Variants in SPRED2 observed in about 807,000 individuals in gnomAD.
SPRED2 encodes sprouty related EVH1 domain containing 2.
Under a neutral mutation model 43.0 loss-of-function variants are expected in SPRED2, and 47 were observed. The observed-to-expected ratio is 1.09, with a 90% CI of 0.87 to 1.40. The LOEUF (loss-of-function observed/expected upper bound fraction) is 1.40, where lower values mean the gene tolerates loss of function less well. SPRED2 is among the 40% of genes most tolerant of loss of function. SPRED2 has a pLI of 0.00. For synonymous variants in SPRED2, 225 were observed against 225.7 expected (o/e 1.00, Z 0.03); for missense variants, 561 against 586.4 (o/e 0.96, Z 0.45).
intron 1 of SPRED2, among the ~76,000 whole-genome samples, chr2:65,366,158 C>T (rs1674967287): frequency 1.3e-5 from 2 of 152,284 alleles, no homozygotes; most frequent in South Asian, 2.1e-4. Context: ...TCCAACGTAA[C>T]ACAATAGTAA....
intron 1 of SPRED2, among the ~76,000 whole-genome samples, chr2:65,370,386 TG>T (rs944731504): frequency 6.6e-6 from 1 of 152,220 alleles, no homozygotes. Context: ...GGGCAAATTA[TG>T]GCCAGCCACA....
chr2:65,390,396 G>C (rs576911028), intron 1 of SPRED2, among the ~76,000 whole-genome samples: 31 of 152,276 alleles, frequency 2.0e-4, no homozygotes, highest in African/African-American at 7.2e-4. Flanking sequence ...AATGACTGTG[G>C]GACTGGAGTG....
chr2:65,324,694 A>G (rs769196288), intron 4 of SPRED2, among the ~76,000 whole-genome samples: 1 of 152,168 alleles, frequency 6.6e-6, no homozygotes, highest in Non-Finnish European at 1.5e-5. Flanking sequence ...CTCTCTGACC[A>G]AGGGAAGCTC....
intron 1 of SPRED2, among the ~76,000 whole-genome samples, chr2:65,426,152 T>C (rs1208427800): frequency 6.6e-6 from 1 of 152,250 alleles, no homozygotes. Context: ...GATTTTTTAC[T>C]TGTCAGTTCT....
chr2:65,313,559 C>G lies in SPRED2; in HGVS notation c.1199G>C (p.Cys400Ser). ...CMCCYLPLRA[C>S]YHCGVMCRCC... The stretch of plus-strand genomic sequence containing the variant: ...CCTGCACATCACTCCGCAGTGGTAG[C>G]AGGCCCGAAGGGGCAGGTAACAGCA... The change falls in exon 6 of 6, where the codon TGC (cysteine) becomes TCC (serine). Residue 400 changes from cysteine to serine, a missense_variant. This residue lies in a region of SPRED2 where 65 missense variants were observed against 60.2 expected (regional missense o/e 1.08). Coordinates refer to ENST00000356388, the MANE Select transcript of SPRED2 (RefSeq NM_181784.3). 3 of 1,613,860 alleles carry G rather than the reference C, an allele frequency of 1.9e-6. No homozygotes were observed. Among genetic ancestry groups the G allele is most frequent in the Non-Finnish European group, 2.5e-6 (3 of 1,179,856 alleles).
intron 1 of SPRED2, among the ~76,000 whole-genome samples, chr2:65,417,526 T>C (rs1486471780): frequency 2.0e-5 from 3 of 152,198 alleles, no homozygotes; most frequent in Non-Finnish European, 1.5e-5. Flanking sequence ...AGGCTAGCCA[T>C]CTGTTCAATG....
chr2:65,352,152 C>T (rs1380361203), intron 1 of SPRED2, among the ~76,000 whole-genome samples: 2 of 152,246 alleles, frequency 1.3e-5, no homozygotes, highest in Non-Finnish European at 2.9e-5. Flanking sequence ...AGTAGAAAGA[C>T]TCGATCGCAA....
chr2:65,322,290 A>ATT lies in SPRED2; in HGVS notation c.439-5408_439-5407insAA, dbSNP rs1346549604. The stretch of plus-strand genomic sequence containing the variant: ...TCTCTCTATATATATATATATATAT[A>ATT]TATATTTTTTTTTTTTTTTTTGAGA... On this transcript the variant is annotated intron_variant, in intron 4 of 5. Transcript: ENST00000356388. Among the ~76,000 whole-genome samples the ATT allele has an allele frequency of 7.1e-4, 56 of 78,944 alleles. 2 individuals carry two copies. The highest frequency in any genetic ancestry group is 9.8e-4 in the Non-Finnish European group (44 of 44,740). The allele number at this position is 78,944 out of a possible 152,430, so 51.8% of individuals were successfully genotyped here.
intron 2 of SPRED2, among the ~76,000 whole-genome samples, chr2:65,342,111 A>T (rs191905139): frequency 7.4e-4 from 112 of 150,732 alleles, no homozygotes; most frequent in Middle Eastern, 7.0e-3. Flanking sequence ...TAACAAACAG[A>T]AAAACATTTT....
In SPRED2 at chr2:65,432,051, G is replaced by A. The variant is rs1401459290; in HGVS notation, c.-64C>T. 1 of 1,602,916 alleles carries A rather than the reference G, an allele frequency of 6.2e-7. No individual in the cohort carries two copies. The highest frequency in any genetic ancestry group is 1.7e-4 in the Middle Eastern group (1 of 6,046). The stretch of plus-strand genomic sequence containing the variant: ...CTTTGCTCCCTTCATCTTCCTGTCC[G>A]CTCGCCCCCCTTCTTCACATCTCCG... On this transcript the variant is annotated 5_prime_UTR_variant, in exon 1 of 6. Transcript: ENST00000356388.
intron 1 of SPRED2, among the ~76,000 whole-genome samples, chr2:65,424,207 G>A (rs1326787067): frequency 2.0e-5 from 3 of 152,128 alleles, no homozygotes; most frequent in South Asian, 4.1e-4. Flanking sequence ...GAAGAGGTAC[G>A]GTCTCACTCC....
intron 1 of SPRED2, among the ~76,000 whole-genome samples, chr2:65,384,264 C>T (rs1420069846): frequency 6.6e-6 from 1 of 152,054 alleles, no homozygotes; most frequent in Non-Finnish European, 1.5e-5. Flanking sequence ...GGTCTCACAG[C>T]CTCCAGTGCC....
At chr2:65,405,244 A>C (rs1009566312) in intron 1 of SPRED2, among the ~76,000 whole-genome samples, 1 of 152,156 alleles carries the variant, frequency 6.6e-6, no homozygotes, top group Non-Finnish European at 1.5e-5. Context: ...GGTACTTTCC[A>C]CCTTGGTGGA....
At position 65,432,103 on chromosome 2, in the gene SPRED2, G is replaced by C; in HGVS notation, c.-116C>G. The C allele has an allele frequency of 7.2e-7, 1 of 1,387,972 alleles. No homozygotes were observed. Among genetic ancestry groups the C allele is most frequent in the South Asian group, 1.2e-5 (1 of 83,488 alleles). The allele number at this position is 1,387,972 out of a possible 1,614,324, so 86.0% of individuals were successfully genotyped here. On this transcript the variant is annotated 5_prime_UTR_variant, in exon 1 of 6. Transcript: ENST00000356388. The stretch of plus-strand genomic sequence containing the variant: ...AGATCGCCTGATTTGGGGAGGGGGG[G>C]CGGCTAGAGATGAAGAGGGCGCCGC...
intron 1 of SPRED2, among the ~76,000 whole-genome samples, chr2:65,430,086 T>C (rs1001525570): frequency 3.9e-5 from 6 of 152,222 alleles, no homozygotes; most frequent in Non-Finnish European, 8.8e-5. Flanking sequence ...CCAGCCTCAC[T>C]GCTACTACTG....
At chr2:65,424,806 G>C (rs1226639559) in intron 1 of SPRED2, among the ~76,000 whole-genome samples, 1 of 151,996 alleles carries the variant, frequency 6.6e-6, no homozygotes, top group African/African-American at 2.4e-5. Flanking sequence ...TTAAAAATTA[G>C]CCAGGTGTGG....
At chr2:65,348,631 C>T (rs1674419845) in intron 1 of SPRED2, among the ~76,000 whole-genome samples, 1 of 151,798 alleles carries the variant, frequency 6.6e-6, no homozygotes, top group Admixed American at 6.6e-5. Flanking sequence ...GGTGAAACCC[C>T]GTCTCCATTA....
rs75691377 is a variant in SPRED2 at position 65,393,768 on chromosome 2, A to C, written c.26+38194T>G. The stretch of plus-strand genomic sequence containing the variant: ...AAACAACTATCTCAAGTATTCCCTC[A>C]TACTAGGGAAACATGAACTATTTTC... On this transcript the variant is annotated intron_variant, in intron 1 of 5. Coordinates refer to ENST00000356388, the MANE Select transcript of SPRED2 (RefSeq NM_181784.3). Among the ~76,000 whole-genome samples, 501 of 152,252 alleles carry C rather than the reference A, an allele frequency of 3.3e-3. 3 individuals are homozygous for C. The highest frequency in any genetic ancestry group is 0.011 in the African/African-American group (464 of 41,528).
intron 1 of SPRED2, among the ~76,000 whole-genome samples, chr2:65,400,853 C>T (rs967315289): frequency 5.3e-5 from 8 of 152,166 alleles, no homozygotes; most frequent in South Asian, 2.1e-4. Context: ...TCAGTTCTAG[C>T]GTTCTCTGCT....
Sources: allele counts gnomAD v4.1 joint callset (sites outside exome capture counted in the v4.1 genomes callset), GRCh38; gene constraint gnomAD v4.1.1; regional missense constraint gnomAD v4.1.1; transcripts MANE v1.5; gene names NCBI Gene and HGNC (gene_info 2026-07-23, HGNC 2026-07-21).